GPC6: variants seen among roughly 807,000 people sequenced by gnomAD.
GPC6 encodes the protein glypican-6.
A neutral mutation model predicts 55.2 loss-of-function variants in GPC6; 14 were observed. The ratio of observed to expected loss-of-function variants is 0.25; its 90% CI spans 0.17 to 0.40. The LOEUF (loss-of-function observed/expected upper bound fraction) is 0.40. Among genes scored for constraint, GPC6 ranks in the 10% least tolerant of loss-of-function variants. GPC6 has a pLI of 1.00. For synonymous variants in GPC6, 278 were observed against 259.6 expected (o/e 1.07, Z -0.68); for missense variants, 641 against 708.5 (o/e 0.90, Z 1.08).
In GPC6 at chr13:93,667,743, T is replaced by TTTTTTTTTTTTTTTCCTGTCAAATTTGTA. The variant is rs1447289109; in HGVS notation, c.319+122327_319+122328insTTTTTTTTTCCTGTCAAATTTGTATTTTT. 5.8e-4 allele frequency among the ~76,000 whole-genome samples: 86 copies of TTTTTTTTTTTTTTTCCTGTCAAATTTGTA among 148,056 alleles called. 1 individual carries two copies. Among genetic ancestry groups the TTTTTTTTTTTTTTTCCTGTCAAATTTGTA allele is most frequent in the African/African-American group, 2.2e-3 (85 of 38,078 alleles). Reference sequence around the variant, plus strand: ...ACACCCAGCCAGGACTTGTTTTTTTTTTTTTCTGTCAAATTTGTATTCTGA... The same window carrying TTTTTTTTTTTTTTTCCTGTCAAATTTGTA: ...ACACCCAGCCAGGACTTGTTTTTTTTTTTTTTTTTTTTTTCCTGTCAAATTTGTATTTTTCTGTCAAATTTGTATTCTGA... On this transcript the variant is annotated intron_variant, in intron 2 of 8. Coordinates refer to ENST00000377047, the MANE Select transcript of GPC6 (RefSeq NM_005708.5).
chr13:94,090,793 A>G (rs1885453001), intron 4 of GPC6, among the ~76,000 whole-genome samples: 1 of 152,192 alleles, frequency 6.6e-6, no homozygotes, highest in Non-Finnish European at 1.5e-5. Flanking sequence ...GGAAGAACCA[A>G]GATTAAGACC....
chr13:94,231,928 AAG>A (rs1890741575), intron 4 of GPC6, among the ~76,000 whole-genome samples: 1 of 152,178 alleles, frequency 6.6e-6, no homozygotes, highest in Non-Finnish European at 1.5e-5. Context: ...CTGATCAAAA[AAG>A]AAAAAGAAAA....
chr13:93,726,973 A>G (rs1333144891), intron 2 of GPC6, among the ~76,000 whole-genome samples: 1 of 152,070 alleles, frequency 6.6e-6, no homozygotes, highest in East Asian at 1.9e-4. Context: ...AATCAGCTGG[A>G]GTTTATATGT....
At chr13:94,214,303 G>C (rs1350443480) in intron 4 of GPC6, among the ~76,000 whole-genome samples, 2 of 152,120 alleles carry the variant, frequency 1.3e-5, no homozygotes, top group Non-Finnish European at 2.9e-5. Flanking sequence ...TTGTGAGTTT[G>C]TTCTAATTGT....
At chr13:93,883,007 C>G (rs999675130) in intron 3 of GPC6, among the ~76,000 whole-genome samples, 13 of 152,130 alleles carry the variant, frequency 8.5e-5, no homozygotes, top group African/African-American at 3.1e-4. Context: ...GGCCTTGAAT[C>G]TCTCGTATTT....
chr13:93,924,140 A>G (rs1877722100), intron 3 of GPC6, among the ~76,000 whole-genome samples: 1 of 152,178 alleles, frequency 6.6e-6, no homozygotes. Flanking sequence ...CTAAGTTATG[A>G]TGGTTCTTTG....
intron 2 of GPC6, among the ~76,000 whole-genome samples, chr13:93,693,118 T>G (rs1882316811): frequency 6.6e-6 from 1 of 152,170 alleles, no homozygotes; most frequent in African/African-American, 2.4e-5. Context: ...GTTAGCATCT[T>G]CAAGCCTGGG....
intron 1 of GPC6, among the ~76,000 whole-genome samples, chr13:93,240,864 A>G (rs1175678458): frequency 6.6e-6 from 1 of 152,108 alleles, no homozygotes; most frequent in Non-Finnish European, 1.5e-5. Flanking sequence ...AGTTTGCTTT[A>G]CTGGGAGAGA....
intron 5 of GPC6, 78 bp from the exon 6 acceptor site, chr13:94,305,902 G>T: frequency 7.6e-7 from 1 of 1,321,490 alleles, no homozygotes; most frequent in Non-Finnish European, 1.1e-6. Flanking sequence ...GGACACCATT[G>T]CATTGCACAT....
intron 6 of GPC6, among the ~76,000 whole-genome samples, chr13:94,316,400 G>A (rs1876530274): frequency 1.3e-5 from 2 of 152,178 alleles, no homozygotes; most frequent in Non-Finnish European, 2.9e-5. Flanking sequence ...TTGTTGCCAA[G>A]AAATAGGAGA....
intron 2 of GPC6, among the ~76,000 whole-genome samples, chr13:93,714,726 G>A (rs1256498185): frequency 1.3e-5 from 2 of 151,622 alleles, no homozygotes; most frequent in African/African-American, 4.8e-5. Flanking sequence ...AAGTTTATTG[G>A]AGTGCTTCTC....
intron 3 of GPC6, among the ~76,000 whole-genome samples, chr13:93,849,375 C>T (rs1445432978): frequency 2.6e-5 from 4 of 152,150 alleles, no homozygotes; most frequent in Middle Eastern, 3.4e-3. Context: ...ATTAAATACT[C>T]ATGGCATGTT....
chr13:93,874,234 A>G (rs371516002), intron 3 of GPC6, among the ~76,000 whole-genome samples: 1 of 151,320 alleles, frequency 6.6e-6, no homozygotes, highest in Non-Finnish European at 1.5e-5. Context: ...AGGTTCCATC[A>G]TTGTTCCTTC....
intron 4 of GPC6, among the ~76,000 whole-genome samples, chr13:94,165,123 A>G (rs1459679447): frequency 6.6e-6 from 1 of 151,792 alleles, no homozygotes; most frequent in Non-Finnish European, 1.5e-5. Context: ...ACAATTCACA[A>G]TTGCAAAAAT....
chr13:94,285,334 T>TG (rs938062594), intron 4 of GPC6, among the ~76,000 whole-genome samples: 1 of 152,098 alleles, frequency 6.6e-6, no homozygotes, highest in Admixed American at 6.5e-5. Flanking sequence ...TTATTGTGGT[T>TG]GGGGGAGATG....
intron 5 of GPC6, among the ~76,000 whole-genome samples, chr13:94,288,795 A>ATG (rs1319471115): frequency 1.9e-5 from 2 of 103,276 alleles, no homozygotes; most frequent in African/African-American, 9.2e-5. Flanking sequence ...TATAATAAAT[A>ATG]TATATATTTG....
At chr13:93,286,689 G>T (rs1404748967) in intron 1 of GPC6, among the ~76,000 whole-genome samples, 7 of 152,158 alleles carry the variant, frequency 4.6e-5, no homozygotes. Context: ...GGTGGCAGAG[G>T]TCACTAAGTT....
chr13:94,092,121 C>T (rs966421706), intron 4 of GPC6, among the ~76,000 whole-genome samples: 4 of 116,738 alleles, frequency 3.4e-5, no homozygotes, highest in Admixed American at 2.3e-4. Context: ...TGTGTGTTTG[C>T]GGGGTGGGGC....
At position 94,319,457 on chromosome 13, in the gene GPC6, G is replaced by C. The variant is rs926058124; in HGVS notation, c.1152+13334G>C. On this transcript the variant is annotated intron_variant, in intron 6 of 8. Transcript: ENST00000377047. ...TTTACACAAAACAAAAGTTAAGATTGTTATTACCATTTTATACTGGAACTT... is the reference window on the plus strand; with the variant it reads ...TTTACACAAAACAAAAGTTAAGATTCTTATTACCATTTTATACTGGAACTT... Among the ~76,000 whole-genome samples the C allele has an allele frequency of 2.0e-5, 3 of 152,132 alleles. No homozygotes were observed. The South Asian group carries it at 6.2e-4, about 32-fold the overall frequency.
Sources: allele counts gnomAD v4.1 joint callset (sites outside exome capture counted in the v4.1 genomes callset), GRCh38; gene constraint gnomAD v4.1.1; transcripts MANE v1.5; gene names NCBI Gene and HGNC (gene_info 2026-07-23, HGNC 2026-07-21).